The following FAM163A variants were observed in gnomAD, a reference collection of about 807,000 sequenced individuals.
FAM163A encodes the protein family with sequence similarity 163 member A, also known as protein FAM163A.
A neutral mutation model predicts 12.0 loss-of-function variants in FAM163A; 7 were observed. That is an observed-to-expected ratio of 0.58 (90% CI 0.33 to 1.10). The LOEUF (loss-of-function observed/expected upper bound fraction) is 1.10, where lower values mean the gene tolerates loss of function less well. Ranked by LOEUF, FAM163A falls within the 50% of genes least tolerant of loss-of-function variation. FAM163A has a pLI of 0.03. For synonymous variants in FAM163A, 101 were observed against 91.0 expected (o/e 1.11, Z -0.62); for missense variants, 202 against 218.6 (o/e 0.92, Z 0.48).
At chr1:179,738,847 AC>A (rs1048019383), upstream of FAM163A, among the ~76,000 whole-genome samples, 17 of 152,230 alleles carry the variant, frequency 1.1e-4, no homozygotes, top group Admixed American at 2.0e-4. Context: ...AGGCAAAGGA[AC>A]TAGAAGAGCT....
intron 1 of FAM163A, among the ~76,000 whole-genome samples, chr1:179,767,506 C>G (rs1687670286): frequency 1.3e-5 from 2 of 152,176 alleles, no homozygotes; most frequent in Admixed American, 1.3e-4. Flanking sequence ...CATGGCTGCT[C>G]TCAGCCAACT....
At position 179,815,112 on chromosome 1, in the gene FAM163A, CAG is replaced by C. The variant is rs565715864; in HGVS notation, c.*925_*926del. On this transcript the variant is annotated 3_prime_UTR_variant, in exon 5 of 5. Transcript: ENST00000341785. ...GTGTACGCACGCGCGCGCGCGCGCA[CAG>C]ACACACACACACACACACACACACA... 0.18 allele frequency: 12,065 copies of C among 65,744 alleles called. 616 individuals are homozygous for C. The highest frequency in any genetic ancestry group is 0.37 in the African/African-American group (5,310 of 14,534). The allele number at this position is 65,744 out of a possible 1,614,324, so 4.1% of individuals were successfully genotyped here.
At chr1:179,761,641 A>C (rs185458397) in intron 1 of FAM163A, among the ~76,000 whole-genome samples, 2 of 152,350 alleles carry the variant, frequency 1.3e-5, no homozygotes, top group Non-Finnish European at 2.9e-5. Flanking sequence ...AGTATAGTCC[A>C]TCAGTCAGAA....
At chr1:179,789,914 A>C (rs57325035) in intron 1 of FAM163A, among the ~76,000 whole-genome samples, 4 of 152,238 alleles carry the variant, frequency 2.6e-5, no homozygotes. Context: ...CTAGGGCTAC[A>C]TTTAGGAGGG....
At chr1:179,798,587 G>A (rs555208892) in intron 1 of FAM163A, among the ~76,000 whole-genome samples, 2 of 152,218 alleles carry the variant, frequency 1.3e-5, no homozygotes, top group African/African-American at 4.8e-5. Flanking sequence ...TGTGATTGAG[G>A]ATTCTGGATT....
intron 1 of FAM163A, among the ~76,000 whole-genome samples, chr1:179,789,161 AG>A (rs1486944092): frequency 7.2e-5 from 11 of 151,784 alleles, no homozygotes; most frequent in Non-Finnish European, 1.2e-4. Context: ...GTGCATTCCC[AG>A]GGGAGCAGAG....
chr1:179,792,472 C>T (rs931286856), intron 1 of FAM163A, among the ~76,000 whole-genome samples: 5 of 152,234 alleles, frequency 3.3e-5, no homozygotes, highest in Admixed American at 3.3e-4. Flanking sequence ...AAACAGAAGG[C>T]CCAGTCTCAG....
intron 1 of FAM163A, among the ~76,000 whole-genome samples, chr1:179,755,216 G>A (rs111580349): frequency 6.6e-6 from 1 of 151,102 alleles, no homozygotes; most frequent in African/African-American, 2.4e-5. Flanking sequence ...GAGTGTAGAA[G>A]TGGGGTAGAA....
At chr1:179,749,422 C>G (rs1250602762) in intron 1 of FAM163A, among the ~76,000 whole-genome samples, 7 of 152,174 alleles carry the variant, frequency 4.6e-5, no homozygotes, top group African/African-American at 1.7e-4. Context: ...CAGACACCAA[C>G]AAGAAGACAA....
intron 1 of FAM163A, among the ~76,000 whole-genome samples, chr1:179,801,757 A>G (rs1417700039): frequency 5.9e-5 from 9 of 152,300 alleles, no homozygotes; most frequent in Middle Eastern, 3.4e-3. Flanking sequence ...CTGTGTGGGG[A>G]CAGCACTCTG....
Position 179,812,992 on chromosome 1 carries a change from CG to C in FAM163A, c.-22-80del. The C allele has an allele frequency of 5.4e-6, 7 of 1,303,024 alleles. No individual in the cohort carries two copies. The South Asian group carries it at 9.4e-5, about 17-fold the overall frequency. The allele number at this position is 1,303,024 out of a possible 1,614,324, so 80.7% of individuals were successfully genotyped here. A position where few individuals can be genotyped will look rare whatever the true frequency, so the allele number is the denominator to read the frequency against. ...GCTCTCAGGCCCCCTGCCCCAGCCTCGGGGCAGTTCCAGGAAGACTCCCCCC... is the reference window on the plus strand; with the variant it reads ...GCTCTCAGGCCCCCTGCCCCAGCCTCGGGCAGTTCCAGGAAGACTCCCCCC... On this transcript the variant is annotated intron_variant, in intron 3 of 4. Transcript: ENST00000341785.
chr1:179,786,871 G>A (rs575500271), intron 1 of FAM163A, among the ~76,000 whole-genome samples: 207 of 152,236 alleles, frequency 1.4e-3, no homozygotes, highest in African/African-American at 4.4e-3. Flanking sequence ...CCCAGGAGCC[G>A]AGGCCCTTTC....
At chr1:179,775,668 C>G (rs948479234) in intron 1 of FAM163A, among the ~76,000 whole-genome samples, 1 of 152,168 alleles carries the variant, frequency 6.6e-6, no homozygotes, top group Non-Finnish European at 1.5e-5. Flanking sequence ...TGGCACAGTG[C>G]CTGGCATATG....
At chr1:179,790,483 C>A (rs1691302505) in intron 1 of FAM163A, among the ~76,000 whole-genome samples, 2 of 152,064 alleles carry the variant, frequency 1.3e-5, no homozygotes, top group South Asian at 4.1e-4. Context: ...ACTTTTAACC[C>A]AGCACTGAGC....
intron 1 of FAM163A, among the ~76,000 whole-genome samples, chr1:179,743,894 C>T (rs911092311): frequency 6.6e-6 from 1 of 152,134 alleles, no homozygotes; most frequent in Admixed American, 6.5e-5. Flanking sequence ...GCCTCGCGCC[C>T]GCCGCCACCC....
At chr1:179,772,833 G>A (rs906554239) in intron 1 of FAM163A, among the ~76,000 whole-genome samples, 1 of 151,484 alleles carries the variant, frequency 6.6e-6, no homozygotes, top group Non-Finnish European at 1.5e-5. Flanking sequence ...CTATCACTAA[G>A]GTTAGTTACC....
intron 1 of FAM163A, among the ~76,000 whole-genome samples, chr1:179,782,225 G>GTT (rs113849778): frequency 1.3e-5 from 2 of 152,034 alleles, no homozygotes; most frequent in African/African-American, 4.8e-5. Context: ...GGCTGAGGCT[G>GTT]TTTTTCCAAT....
At chr1:179,738,239 T>G in the FAM163A span, among the ~76,000 whole-genome samples, 2 of 152,074 alleles carry the variant, frequency 1.3e-5, no homozygotes, top group Non-Finnish European at 2.9e-5. Flanking sequence ...GCTAGAAGAG[T>G]GGATTTTGAA....
At chr1:179,764,009 C>CAGAG in intron 1 of FAM163A, among the ~76,000 whole-genome samples, 1 of 152,028 alleles carries the variant, frequency 6.6e-6, no homozygotes, top group Admixed American at 6.6e-5. Context: ...CAAAGAGAGA[C>CAGAG]AGAGAGAGAG....
Sources: gnomAD v4.1 joint callset for allele counts (sites outside exome capture counted in the v4.1 genomes callset) on GRCh38, gnomAD v4.1.1 for gene constraint, MANE v1.5 for transcripts, NCBI Gene and HGNC (gene_info 2026-07-23, HGNC 2026-07-21) for gene names.